Variants in DNAAF19 observed in about 807,000 individuals in gnomAD.
DNAAF19 encodes the protein dynein axonemal assembly factor 19.
the DNAAF19 span, chr17:44,902,589 A>T: frequency 6.2e-7 from 1 of 1,614,126 alleles, no homozygotes; most frequent in Non-Finnish European, 8.5e-7. Context: ...TGGGGATCCT[A>T]TGCAGCCTGG....
the DNAAF19 span, chr17:44,904,519 C>T: frequency 6.5e-7 from 1 of 1,550,244 alleles, no homozygotes; most frequent in African/African-American, 1.4e-5. Context: ...CCAGGGACCA[C>T]ACGCCTGAGG....
At chr17:44,902,514 A>T in the DNAAF19 span, 1 of 1,614,052 alleles carries the variant, frequency 6.2e-7, no homozygotes, top group Non-Finnish European at 8.5e-7. Context: ...TGGGATTTGG[A>T]CTTCTTGGGG....
the DNAAF19 span, chr17:44,902,526 G>C: frequency 1.2e-6 from 2 of 1,614,146 alleles, no homozygotes; most frequent in Admixed American, 3.3e-5. Flanking sequence ...TTCTTGGGGA[G>C]CTGCTGGTGG....
chr17:44,905,143 G>A, the DNAAF19 span: 2 of 1,239,996 alleles, frequency 1.6e-6, no homozygotes, highest in Non-Finnish European at 2.2e-6. Flanking sequence ...GTCTCTGGGT[G>A]GGTACCCTGG....
the DNAAF19 span, chr17:44,904,579 G>C: frequency 6.4e-6 from 10 of 1,550,598 alleles, no homozygotes; most frequent in Non-Finnish European, 8.7e-6. Context: ...AGACCATCCG[G>C]GAGGGCGTGC....
At chr17:44,900,080 G>A in the DNAAF19 span, among the ~76,000 whole-genome samples, 1 of 152,028 alleles carries the variant, frequency 6.6e-6, no homozygotes, top group African/African-American at 2.4e-5. Context: ...GTTCAGAGAG[G>A]TCCCACAAGT....
chr17:44,901,602 C>G, the DNAAF19 span: 1 of 1,614,186 alleles, frequency 6.2e-7, no homozygotes, highest in Non-Finnish European at 8.5e-7. Flanking sequence ...CTGGAACTGT[C>G]ACACTATTCA....
chr17:44,902,859 C>G, the DNAAF19 span: 2 of 1,476,142 alleles, frequency 1.4e-6, no homozygotes, highest in African/African-American at 2.8e-5. Flanking sequence ...TCACTGGAGG[C>G]AGTTTTTTGG....
the DNAAF19 span, chr17:44,904,895 C>T: frequency 1.8e-5 from 28 of 1,550,422 alleles, no homozygotes; most frequent in Middle Eastern, 6.7e-4. Context: ...TGCTGGCTTC[C>T]GGCTGGGTGT....
At chr17:44,904,190 G>A in the DNAAF19 span, 1 of 1,550,590 alleles carries the variant, frequency 6.4e-7, no homozygotes, top group Non-Finnish European at 8.7e-7. Flanking sequence ...TGAGGACTCA[G>A]GCCTGTACTT....
the DNAAF19 span, chr17:44,904,953 G>T: frequency 6.4e-7 from 1 of 1,550,614 alleles, no homozygotes. Flanking sequence ...CCTGAGACTC[G>T]CTCGGCTGTG....
the DNAAF19 span, chr17:44,904,659 A>T: frequency 6.5e-7 from 1 of 1,550,370 alleles, no homozygotes; most frequent in Non-Finnish European, 8.7e-7. Flanking sequence ...ATTCAGTTCC[A>T]CCAGCAGAGA....
chr17:44,902,443 C>T, the DNAAF19 span: 28 of 1,614,218 alleles, frequency 1.7e-5, no homozygotes, highest in Admixed American at 1.8e-4. Context: ...TGGGCCAGAG[C>T]GCTACCAGGC....
At chr17:44,900,883 G>A in the DNAAF19 span, 232 of 1,080,690 alleles carry the variant, frequency 2.1e-4, 3 homozygotes, top group East Asian at 6.4e-3. Flanking sequence ...GTGACATGAT[G>A]TCCAGAGTGC....
the DNAAF19 span, chr17:44,903,011 G>T: frequency 7.0e-7 from 1 of 1,424,776 alleles, no homozygotes; most frequent in Non-Finnish European, 9.1e-7. Flanking sequence ...TTTGAACTGT[G>T]TGTATCCATG....
At chr17:44,904,252 G>C in the DNAAF19 span, 4 of 1,550,490 alleles carry the variant, frequency 2.6e-6, no homozygotes, top group East Asian at 7.3e-5. Context: ...TGGACATCCA[G>C]AACAGTGAGG....
chr17:44,904,478 A>C, the DNAAF19 span: 1 of 1,547,348 alleles, frequency 6.5e-7, no homozygotes. Flanking sequence ...TTGTGGCTCA[A>C]GGGCTGTGCC....
chr17:44,902,365 G>A, the DNAAF19 span: 52 of 1,614,080 alleles, frequency 3.2e-5, no homozygotes, highest in Non-Finnish European at 4.1e-5. Context: ...TGTGGTCCAG[G>A]AGAAAGCCCC....
chr17:44,900,056 A>G, the DNAAF19 span, among the ~76,000 whole-genome samples: 1 of 152,074 alleles, frequency 6.6e-6, no homozygotes, highest in Non-Finnish European at 1.5e-5. Flanking sequence ...AGCTCAACTC[A>G]CTAGGAGTTT....
Sources: gnomAD v4.1 joint callset for allele counts (sites outside exome capture counted in the v4.1 genomes callset) on GRCh38, gnomAD v4.1.1 for gene constraint, MANE v1.5 for transcripts, NCBI Gene and HGNC (gene_info 2026-07-23, HGNC 2026-07-21) for gene names.